MYO1G: variants seen among roughly 807,000 people sequenced by gnomAD.
MYO1G encodes the protein myosin IG, also known as unconventional myosin-Ig.
Under a neutral mutation model 115.3 loss-of-function variants are expected in MYO1G, and 65 were observed. The ratio of observed to expected loss-of-function variants is 0.56; its 90% CI spans 0.46 to 0.69. The LOEUF is 0.69. Ranked by LOEUF, MYO1G falls within the 30% of genes least tolerant of loss-of-function variation. The probability of loss-of-function intolerance (pLI) is 0.00; values close to 1 mark genes in which losing one functional copy is unlikely to be tolerated. For missense variants in MYO1G, 1,204 were observed against 1,393.5 expected (o/e 0.86, Z 2.16); for synonymous variants, 510 against 552.6 (o/e 0.92, Z 1.08).
intron 1 of MYO1G, among the ~76,000 whole-genome samples, chr7:44,977,949 G>A (rs536410042): frequency 6.8e-4 from 104 of 152,306 alleles, no homozygotes; most frequent in African/African-American, 2.2e-3. Flanking sequence ...ACGTCTCCAG[G>A]GCTCAGTGTT....
At chr7:44,973,014 A>G (rs1479153776) in intron 5 of MYO1G, 1 of 151,778 alleles carries the variant, frequency 6.6e-6, no homozygotes, top group Non-Finnish European at 1.5e-5. Context: ...CACAGAGACA[A>G]TGGTCATGTC....
At position 44,969,955 on chromosome 7, in the gene MYO1G, T is replaced by C; in HGVS notation, c.1333-80A>G. On this transcript the variant is annotated intron_variant, in intron 10 of 21. Coordinates refer to ENST00000258787, the MANE Select transcript of MYO1G (RefSeq NM_033054.3). The surrounding 1 kb of genome is among the most constrained non-coding windows in gnomAD (Gnocchi z 5.0). ...CTCCTCCGCCCCACACTCAGCCACC[T>C]GTCAGGCCAGCCCGGGCCCCTCCCC... The C allele has an allele frequency of 6.3e-7, 1 of 1,590,024 alleles. No homozygotes were observed. Among genetic ancestry groups the C allele is most frequent in the Non-Finnish European group, 8.6e-7 (1 of 1,165,954 alleles).
rs958128215 is a variant in MYO1G at position 44,970,700 on chromosome 7, C to T, written c.1109G>A (p.Arg370Lys). The change falls in exon 9 of 22, where the codon AGG becomes AAG. Residue 370 changes from arginine to lysine, a missense_variant. Arg to Lys is a conservative substitution (Grantham distance 26, BLOSUM62 2). Coordinates refer to ENST00000258787, the MANE Select transcript of MYO1G (RefSeq NM_033054.3). The stretch of plus-strand genomic sequence containing the variant: ...CCGGGGTTCCATGACACTGTTGATC[C>T]TGTTCACCACCCACTCAAACAGCCG... ...YQRLFEWVVN[R>K]INSVMEPRGR... 13 of 1,613,872 alleles carry T rather than the reference C, an allele frequency of 8.1e-6. No individual in the cohort carries two copies. Among genetic ancestry groups the T allele is most frequent in the African/African-American group, 5.3e-5 (4 of 74,920 alleles).
At position 44,970,679 on chromosome 7, in the gene MYO1G, G is replaced by A. The variant is rs1470606384; in HGVS notation, c.1130C>T (p.Pro377Leu). The A allele has an allele frequency of 6.2e-7, 1 of 1,613,954 alleles. No homozygotes were observed. Among genetic ancestry groups the A allele is most frequent in the Admixed American group, 1.7e-5 (1 of 60,024 alleles). ...VVNRINSVMEPRGRDPRRDGK... is the reference protein window; with the variant it reads ...VVNRINSVMELRGRDPRRDGK... ...ATCACGCCGAGGATCCCGGCCCCGG[G>A]GTTCCATGACACTGTTGATCCTGTT... Residue 377 changes from proline (P) to leucine (L), a missense_variant, in exon 9 of 22, where the codon CCC (proline) becomes CTC (leucine). By Grantham distance (98) the Pro-to-Leu change is moderately conservative. Coordinates refer to ENST00000258787, the MANE Select transcript of MYO1G (RefSeq NM_033054.3).
rs61742025 is a variant in MYO1G at position 44,971,740 on chromosome 7, C to T, written c.779G>A (p.Arg260Lys). The T allele has an allele frequency of 1.6e-4, 244 of 1,555,718 alleles. No individual in the cohort carries two copies. Among genetic ancestry groups the T allele is most frequent in the Non-Finnish European group, 2.0e-4 (230 of 1,149,160 alleles). The change falls in exon 7 of 22, where the codon AGG (arginine) becomes AAG (lysine). Residue 260 changes from arginine to lysine, a missense_variant. Physicochemically the swap from Arg to Lys is conservative, Grantham distance 26. Transcript: ENST00000258787. ...QSHQAVTEAMRVIGFSPEEVE... is the reference protein window; with the variant it reads ...QSHQAVTEAMKVIGFSPEEVE... ...CTCTTCAGGACTGAAGCCGATGACC[C>T]TCATGGCCTCGGTCACTGCCTGGTG...
rs1794779478 is a variant in MYO1G, at chr7:44,963,185, T to C, written c.2746-61A>G. On this transcript the variant is annotated intron_variant, in intron 20 of 21. Transcript: ENST00000258787. This position sits in a 1 kb window ranked among gnomAD's most constrained non-coding sequence, Gnocchi z 4.1. Reference sequence around the variant, plus strand: ...AACCCGCACCCCAGCCTAGCCGGACTCACCCCCTCCCCAGGAAGCCTCTGC... The same window carrying C: ...AACCCGCACCCCAGCCTAGCCGGACCCACCCCCTCCCCAGGAAGCCTCTGC... 3 of 1,380,672 alleles carry C rather than the reference T, an allele frequency of 2.2e-6. No individual in the cohort carries two copies. The highest frequency in any genetic ancestry group is 2.8e-6 in the Non-Finnish European group (3 of 1,072,842). The allele number at this position is 1,380,672 out of a possible 1,614,324, so 85.5% of individuals were successfully genotyped here. A position where few individuals can be genotyped will look rare whatever the true frequency, so the allele number is the denominator to read the frequency against.
At chr7:44,970,778 T>A in intron 8 of MYO1G, 41 bp from the exon 9 acceptor site, 1 of 1,613,484 alleles carries the variant, frequency 6.2e-7, no homozygotes, top group East Asian at 2.2e-5. Context: ...GCCTCTGGCC[T>A]GGCCTCCCCC....
chr7:44,975,112 C>A, intron 5 of MYO1G, 62 bp downstream of exon 5: 1 of 1,551,920 alleles, frequency 6.4e-7, no homozygotes, highest in Non-Finnish European at 8.9e-7. Context: ...CAAGCTGGTC[C>A]AGCTTGCTGC....
intron 12 of MYO1G, chr7:44,968,955 A>G (rs1024138941): frequency 5.6e-6 from 1 of 178,714 alleles, no homozygotes; most frequent in Non-Finnish European, 1.2e-5. Context: ...GCAACACATA[A>G]GTTAATAGCC....
Position 44,976,908 on chromosome 7 carries a change from T to C in MYO1G, c.259A>G (p.Lys87Glu), listed in dbSNP as rs746002482. 2 of 1,613,410 alleles carry C rather than the reference T, an allele frequency of 1.2e-6. No individual in the cohort carries two copies. Among genetic ancestry groups the C allele is most frequent in the Non-Finnish European group, 1.7e-6 (2 of 1,180,034 alleles). ...HLYAVANAAY[K>E]AMKHRSRDTC... ...TCCCTGGACCGGTGCTTCATTGCCT[T>C]GTAGGCGGCGTTGGCCACAGCATAG... The change falls in exon 2 of 22, where the codon AAG (lysine) becomes GAG (glutamate). Residue 87 changes from lysine (K) to glutamate (E), a missense_variant. Lys to Glu is a moderately conservative substitution (Grantham distance 56, BLOSUM62 1). Transcript: ENST00000258787.
chr7:44,969,988 G>A lies in MYO1G; in HGVS notation c.1332+52C>T. ...CAGCCCGGGCCCCTCCCCATGGGCT[G>A]AGGCCCCTCCACACCCCACTGCCTG... On this transcript the variant is annotated intron_variant, in intron 10 of 21. Transcript: ENST00000258787. The surrounding 1 kb of genome is among the most constrained non-coding windows in gnomAD (Gnocchi z 5.0). 1 of 1,600,344 alleles carries A rather than the reference G, an allele frequency of 6.2e-7. No individual in the cohort carries two copies. The highest frequency in any genetic ancestry group is 2.2e-5 in the East Asian group (1 of 44,714).
chr7:44,970,182 G>C, intron 9 of MYO1G, 28 bp from the exon 10 acceptor site: 2 of 1,484,002 alleles, frequency 1.3e-6, no homozygotes, highest in Non-Finnish European at 1.9e-6. Flanking sequence ...CTTTCAGAGG[G>C]GAGGTCGCTG....
At chr7:44,967,545 C>T in intron 14 of MYO1G, 60 bp downstream of exon 14, 1 of 1,604,542 alleles carries the variant, frequency 6.2e-7, no homozygotes, top group Non-Finnish European at 8.5e-7. Flanking sequence ...CCCTACTTGG[C>T]ACCGAGGGCA....
At chr7:44,977,187 G>C in intron 1 of MYO1G, 116 bp from the exon 2 acceptor site, 1 of 940,168 alleles carries the variant, frequency 1.1e-6, no homozygotes, top group Non-Finnish European at 1.6e-6. Context: ...ACCCTGACGG[G>C]CTGAGAGTGG....
In MYO1G at chr7:44,970,780, G is replaced by A. The variant is rs1385335698; in HGVS notation, c.1072-43C>T. On this transcript the variant is annotated intron_variant, in intron 8 of 21. Transcript: ENST00000258787. ...CCTGCTTCCTGCTGCCTCTGGCCTGGCCTCCCCCATGAAGGCCTCCTGGGC... is the reference window on the plus strand; with the variant it reads ...CCTGCTTCCTGCTGCCTCTGGCCTGACCTCCCCCATGAAGGCCTCCTGGGC... 4 of 1,613,474 alleles carry A rather than the reference G, an allele frequency of 2.5e-6. No homozygotes were observed. In the South Asian group the frequency reaches 4.4e-5, roughly 18 times the overall value.
At chr7:44,971,825 C>A in intron 6 of MYO1G, 36 bp from the exon 7 acceptor site, 1 of 1,470,164 alleles carries the variant, frequency 6.8e-7, no homozygotes, top group South Asian at 1.2e-5. Context: ...CAAAGCCACA[C>A]TGGGCCCAGG....
chr7:44,971,053 T>C lies in MYO1G; in HGVS notation c.853A>G (p.Ile285Val). The C allele has an allele frequency of 6.2e-7, 1 of 1,609,782 alleles. No individual in the cohort carries two copies. The highest frequency in any genetic ancestry group is 8.5e-7 in the Non-Finnish European group (1 of 1,178,560). Reference protein sequence around the residue: ...ILAAILHLGNIEFVETEEGGL... With the variant: ...ILAAILHLGNVEFVETEEGGL... ...CCCTCCTCCGTCTCCACAAACTCGA[T>C]GTTTCCCTGGTGATGGGAAAACCAT... Residue 285 changes from isoleucine (I) to valine (V), a missense_variant, in exon 8 of 22, where the codon ATC (isoleucine) becomes GTC (valine). Ile to Val is a conservative substitution (Grantham distance 29, BLOSUM62 3). Coordinates refer to ENST00000258787, the MANE Select transcript of MYO1G (RefSeq NM_033054.3).
chr7:44,962,928 C>A lies in MYO1G; in HGVS notation c.2901-33G>T, dbSNP rs1412166105. ...AGGAGGAGGGGTCAGGGCGGCCACG[C>A]GGCCGGGGCTTCGTGCCCGCTACCG... On this transcript the variant is annotated intron_variant, in intron 21 of 21. Transcript: ENST00000258787. The surrounding 1 kb of genome is among the most constrained non-coding windows in gnomAD (Gnocchi z 5.3). 2 of 1,500,816 alleles carry A rather than the reference C, an allele frequency of 1.3e-6. No homozygotes were observed. The highest frequency in any genetic ancestry group is 8.9e-7 in the Non-Finnish European group (1 of 1,127,950). The allele number at this position is 1,500,816 out of a possible 1,614,324, so 93.0% of individuals were successfully genotyped here.
At chr7:44,970,775 G>A (rs1794941918) in intron 8 of MYO1G, 38 bp from the exon 9 acceptor site, 1 of 1,613,492 alleles carries the variant, frequency 6.2e-7, no homozygotes. Context: ...GCTGCCTCTG[G>A]CCTGGCCTCC....
Sources: allele counts gnomAD v4.1 joint callset (sites outside exome capture counted in the v4.1 genomes callset), GRCh38; gene constraint gnomAD v4.1.1; non-coding constraint Gnocchi (gnomAD v3.1); transcripts MANE v1.5; gene names NCBI Gene and HGNC (gene_info 2026-07-23, HGNC 2026-07-21).